Variants in PCDH7 observed in about 807,000 individuals in gnomAD.
The protein encoded by PCDH7 is protocadherin 7, also known as protocadherin-7.
PCDH7 carries 17 observed loss-of-function variants against 58.9 expected under a neutral mutation model. The ratio of observed to expected loss-of-function variants is 0.29; its 90% CI spans 0.20 to 0.43. The LOEUF is 0.43. Among genes scored for constraint, PCDH7 ranks in the 20% least tolerant of loss-of-function variants. The pLI is 1.00. For missense variants in PCDH7, 1,274 were observed against 1,441.0 expected (o/e 0.88, Z 1.88); for synonymous variants, 664 against 616.4 (o/e 1.08, Z -1.14).
intron 1 of PCDH7, among the ~76,000 whole-genome samples, chr4:30,757,752 C>T (rs945877835): frequency 3.9e-5 from 6 of 152,100 alleles, no homozygotes; most frequent in Non-Finnish European, 8.8e-5. Context: ...TGCCTATTCC[C>T]GCAATTATGT....
At chr4:30,779,272 G>A (rs1030933990) in intron 1 of PCDH7, among the ~76,000 whole-genome samples, 60 of 151,914 alleles carry the variant, frequency 3.9e-4, no homozygotes, top group African/African-American at 1.4e-3. Flanking sequence ...CAATCTGCCC[G>A]CCTCCGCCTC....
intron 1 of PCDH7, among the ~76,000 whole-genome samples, chr4:30,908,361 C>T (rs1234408699): frequency 6.6e-6 from 1 of 151,746 alleles, no homozygotes; most frequent in Non-Finnish European, 1.5e-5. Context: ...AGCACAAATG[C>T]CCAATGCTAA....
At chr4:31,126,239 C>A (rs1718286125) in intron 3 of PCDH7, among the ~76,000 whole-genome samples, 1 of 151,536 alleles carries the variant, frequency 6.6e-6, no homozygotes, top group Admixed American at 6.6e-5. Flanking sequence ...TTCTCATGCC[C>A]CTGCTGCCTG....
At chr4:30,988,494 A>G (rs1751179367) in intron 3 of PCDH7, among the ~76,000 whole-genome samples, 1 of 152,180 alleles carries the variant, frequency 6.6e-6, no homozygotes, top group South Asian at 2.1e-4. Flanking sequence ...TTTTTCTAAT[A>G]TTCATATTTC....
At chr4:31,076,762 G>A (rs771201064) in intron 3 of PCDH7, among the ~76,000 whole-genome samples, 1 of 152,080 alleles carries the variant, frequency 6.6e-6, no homozygotes, top group Non-Finnish European at 1.5e-5. Context: ...TATTACACAG[G>A]TTATCTATTG....
intron 3 of PCDH7, among the ~76,000 whole-genome samples, chr4:31,045,701 A>G (rs1272522150): frequency 1.3e-5 from 2 of 152,000 alleles, no homozygotes; most frequent in East Asian, 3.9e-4. Context: ...CTCTCCTGTA[A>G]TTATAAAAAC....
intron 3 of PCDH7, among the ~76,000 whole-genome samples, chr4:31,004,421 A>G (rs567453494): frequency 6.6e-6 from 1 of 152,236 alleles, no homozygotes; most frequent in South Asian, 2.1e-4. Flanking sequence ...CAATAAGAAT[A>G]ACATAAGGCC....
intron 3 of PCDH7, among the ~76,000 whole-genome samples, chr4:30,985,298 T>C (rs1452250353): frequency 6.6e-6 from 1 of 152,200 alleles, no homozygotes; most frequent in African/African-American, 2.4e-5. Flanking sequence ...TGTCTTTGTT[T>C]TGAGTCAGAA....
At chr4:31,027,700 C>A (rs539746548) in intron 3 of PCDH7, among the ~76,000 whole-genome samples, 1 of 152,042 alleles carries the variant, frequency 6.6e-6, no homozygotes, top group Non-Finnish European at 1.5e-5. Context: ...GGATTACAGG[C>A]GTGAGCTACT....
At chr4:30,993,033 A>G (rs1751589081) in intron 3 of PCDH7, among the ~76,000 whole-genome samples, 1 of 151,988 alleles carries the variant, frequency 6.6e-6, no homozygotes, top group African/African-American at 2.4e-5. Context: ...TCCTCACCTC[A>G]GGTGATCTGC....
intron 1 of PCDH7, among the ~76,000 whole-genome samples, chr4:30,880,107 G>A (rs35656497): frequency 1.3e-5 from 2 of 151,994 alleles, no homozygotes; most frequent in East Asian, 3.9e-4. Flanking sequence ...TCATAGCTTA[G>A]GATGAATTTT....
intron 3 of PCDH7, among the ~76,000 whole-genome samples, chr4:30,970,320 C>T (rs958184879): frequency 2.0e-5 from 3 of 150,260 alleles, no homozygotes; most frequent in East Asian, 2.0e-4. Context: ...CCTGAGACGG[C>T]GTCTAGCTCA....
chr4:30,769,322 T>A (rs1221912770), intron 1 of PCDH7, among the ~76,000 whole-genome samples: 1 of 152,238 alleles, frequency 6.6e-6, no homozygotes, highest in Non-Finnish European at 1.5e-5. Flanking sequence ...AGATCAGGTG[T>A]GGAGACACTG....
At chr4:30,870,363 C>A (rs1404215121) in intron 1 of PCDH7, among the ~76,000 whole-genome samples, 2 of 151,954 alleles carry the variant, frequency 1.3e-5, no homozygotes, top group African/African-American at 2.4e-5. Context: ...TTTGCCCATG[C>A]CTATGTCCTG....
In PCDH7 at chr4:30,722,694, C is replaced by T. The variant is rs775115378; in HGVS notation, c.1272C>T (p.Pro424=). 38 of 1,613,518 alleles carry T rather than the reference C, an allele frequency of 2.4e-5. No individual in the cohort carries two copies. The Middle Eastern group carries it at 9.9e-4, about 42-fold the overall frequency. The change falls in exon 1 of 2, where the codon CCC becomes CCT. Residue 424 remains proline (P), a synonymous_variant. Transcript: ENST00000361762. The surrounding 1 kb of genome is among the most constrained non-coding windows in gnomAD (Gnocchi z 7.6). Reference sequence around the variant, plus strand: ...AAATCCGCAAGATTGGGCGCATCCCCCTCAAGGACGGGGTGGCCAACGTGG... The same window carrying T: ...AAATCCGCAAGATTGGGCGCATCCCTCTCAAGGACGGGGTGGCCAACGTGG...
rs181257418 is a variant in PCDH7 at position 30,797,669 on chromosome 4, C to T, written c.70+73073C>T. On this transcript the variant is annotated intron_variant, in intron 1 of 3. Coordinates refer to the PCDH7 transcript ENST00000509759. The stretch of plus-strand genomic sequence containing the variant: ...CCATAATGTCTTCACTGGGAAGATC[C>T]TGGTGTAGTTCATATTTACCTATCC... 7.2e-5 allele frequency among the ~76,000 whole-genome samples: 11 copies of T among 152,268 alleles called. No homozygotes were observed. In the East Asian group the frequency reaches 2.1e-3, roughly 29 times the overall value.
At chr4:30,786,737 T>C in intron 1 of PCDH7, 1 of 983,128 alleles carries the variant, frequency 1.0e-6, no homozygotes, top group South Asian at 4.7e-5. Flanking sequence ...GTGGATACAG[T>C]GCAGACCATG....
intron 3 of PCDH7, among the ~76,000 whole-genome samples, chr4:31,122,680 A>G (rs555912895): frequency 1.1e-4 from 17 of 152,136 alleles, no homozygotes; most frequent in Non-Finnish European, 2.1e-4. Flanking sequence ...CGTGTTGAAG[A>G]CAAACATTCT....
chr4:30,762,960 A>C (rs956965380), intron 1 of PCDH7, among the ~76,000 whole-genome samples: 11 of 152,326 alleles, frequency 7.2e-5, no homozygotes, highest in Non-Finnish European at 1.3e-4. Context: ...TATTTAGCCT[A>C]GGCCAGGCAT....
Sources: allele counts gnomAD v4.1 joint callset (sites outside exome capture counted in the v4.1 genomes callset), GRCh38; gene constraint gnomAD v4.1.1; non-coding constraint Gnocchi (gnomAD v3.1); transcripts MANE v1.5; gene names NCBI Gene and HGNC (gene_info 2026-07-23, HGNC 2026-07-21).